The following ASPH variants were observed in gnomAD, a reference collection of about 807,000 sequenced individuals.
The protein encoded by ASPH is aspartyl/asparaginyl beta-hydroxylase.
In ASPH, 100 loss-of-function variants were observed where a neutral mutation model predicts 118.4. The observed-to-expected ratio is 0.84, with a 90% confidence interval of 0.72 to 1.00. ASPH has a LOEUF of 1.00. ASPH is among the 50% of genes least tolerant of loss of function. The pLI is 0.00. For missense variants in ASPH, 920 were observed against 919.5 expected (o/e 1.00, Z -0.01); for synonymous variants, 315 against 325.6 (o/e 0.97, Z 0.35).
chr8:61,538,991 C>T (rs1034782671), intron 21 of ASPH, among the ~76,000 whole-genome samples: 2 of 152,134 alleles, frequency 1.3e-5, no homozygotes, highest in African/African-American at 4.8e-5. Context: ...CCTGTAATTC[C>T]AGCACTTTAG....
chr8:61,579,515 C>G, intron 15 of ASPH: 1 of 1,568,910 alleles, frequency 6.4e-7, no homozygotes, highest in Non-Finnish European at 8.7e-7. Flanking sequence ...GCCTCACAAG[C>G]CCCGGCCTCA....
intron 13 of ASPH, among the ~76,000 whole-genome samples, chr8:61,630,641 CAT>C (rs1855139184): frequency 6.6e-6 from 1 of 152,166 alleles, no homozygotes; most frequent in African/African-American, 2.4e-5. Flanking sequence ...ACACATTACT[CAT>C]GTGTGTGGTG....
chr8:61,636,714 C>T (rs1212593513), intron 12 of ASPH, among the ~76,000 whole-genome samples: 1 of 152,188 alleles, frequency 6.6e-6, no homozygotes, highest in African/African-American at 2.4e-5. Flanking sequence ...TAGTTCTTTT[C>T]TATAAACCGT....
intron 14 of ASPH, among the ~76,000 whole-genome samples, chr8:61,594,562 C>T (rs1476550155): frequency 2.0e-5 from 3 of 152,144 alleles, no homozygotes; most frequent in Non-Finnish European, 4.4e-5. Flanking sequence ...TTGCTTTTCA[C>T]AGTGTCAGTT....
rs147961724 is a variant in ASPH, at chr8:61,586,967, T to C, written c.977-2938A>G. Among the ~76,000 whole-genome samples the C allele has an allele frequency of 7.2e-5, 11 of 152,336 alleles. No individual in the cohort carries two copies. In the East Asian group the frequency reaches 1.9e-3, roughly 27 times the overall value. ...GGCTCTCACATGGAAGAACTAAGGC[T>C]GTTCCATGCTGTCTGGAGCAGTGGG... On this transcript the variant is annotated intron_variant, in intron 14 of 24. Transcript: ENST00000379454.
At chr8:61,620,697 C>A (rs1358123120) in intron 13 of ASPH, among the ~76,000 whole-genome samples, 3 of 152,178 alleles carry the variant, frequency 2.0e-5, no homozygotes, top group African/African-American at 7.2e-5. Context: ...AAATTCCAGT[C>A]CTGAAGGAGC....
chr8:61,586,477 A>G (rs1839487520), intron 14 of ASPH, among the ~76,000 whole-genome samples: 1 of 152,236 alleles, frequency 6.6e-6, no homozygotes, highest in Non-Finnish European at 1.5e-5. Flanking sequence ...GTTATAAAAC[A>G]CAACCAAAAT....
intron 1 of ASPH, among the ~76,000 whole-genome samples, chr8:61,699,449 T>A (rs1834724652): frequency 6.6e-6 from 1 of 152,202 alleles, no homozygotes; most frequent in African/African-American, 2.4e-5. Flanking sequence ...GCAAGGTAAG[T>A]TTCTTGTTTC....
At chr8:61,612,015 C>T (rs1481399583) in intron 14 of ASPH, among the ~76,000 whole-genome samples, 1 of 148,408 alleles carries the variant, frequency 6.7e-6, no homozygotes, top group Non-Finnish European at 1.5e-5. Flanking sequence ...TAGGAATCAC[C>T]TGACCCAGTC....
At chr8:61,697,440 T>C (rs919398433) in intron 1 of ASPH, among the ~76,000 whole-genome samples, 6 of 152,112 alleles carry the variant, frequency 3.9e-5, no homozygotes, top group African/African-American at 1.4e-4. Flanking sequence ...CTAATTCAAT[T>C]CAGTTCTGAC....
intron 23 of ASPH, 56 bp from the exon 24 acceptor site, chr8:61,517,717 CTAAGT>C: frequency 6.3e-7 from 1 of 1,580,048 alleles, no homozygotes; most frequent in Non-Finnish European, 8.7e-7. Flanking sequence ...GGAGGAACTG[CTAAGT>C]TAAGGTGACA....
rs539860514 is a variant in ASPH, at chr8:61,656,323, G to A, written c.323-2663C>T. ...CTAACTAAACAAGAAGTGCGGAGGCGGCTGACTGCATCGCAGGTCAAGCTT... is the reference window on the plus strand; with the variant it reads ...CTAACTAAACAAGAAGTGCGGAGGCAGCTGACTGCATCGCAGGTCAAGCTT... On this transcript the variant is annotated intron_variant, in intron 3 of 24. Coordinates refer to ENST00000379454, the MANE Select transcript of ASPH (RefSeq NM_004318.4). 3.3e-5 allele frequency: 5 copies of A among 152,264 alleles called. No homozygotes were observed. In the East Asian group the frequency reaches 5.8e-4, roughly 18 times the overall value. The allele number at this position is 152,264 out of a possible 1,614,324, so 9.4% of individuals were successfully genotyped here. A position where few individuals can be genotyped will look rare whatever the true frequency, so the allele number is the denominator to read the frequency against.
chr8:61,617,858 GGGA>G (rs1415806255), intron 14 of ASPH, among the ~76,000 whole-genome samples: 2 of 151,078 alleles, frequency 1.3e-5, no homozygotes, highest in African/African-American at 4.9e-5. Context: ...GCTTGAACCA[GGGA>G]GGAGGAGGTT....
At chr8:61,529,384 C>A (rs1186475116) in intron 21 of ASPH, among the ~76,000 whole-genome samples, 1 of 152,206 alleles carries the variant, frequency 6.6e-6, no homozygotes, top group Non-Finnish European at 1.5e-5. Context: ...GAGCGCCCTG[C>A]AGAGGGCATG....
intron 15 of ASPH, chr8:61,578,430 A>T: frequency 6.2e-7 from 1 of 1,601,896 alleles, no homozygotes. Flanking sequence ...GGTCAACCAG[A>T]GCCTACTGAG....
At chr8:61,586,093 T>A (rs1839363941) in intron 14 of ASPH, among the ~76,000 whole-genome samples, 2 of 152,156 alleles carry the variant, frequency 1.3e-5, no homozygotes, top group African/African-American at 4.8e-5. Context: ...GATGCCCTCC[T>A]CCTTCCTAGA....
intron 14 of ASPH, among the ~76,000 whole-genome samples, chr8:61,617,100 A>G (rs1341466083): frequency 3.9e-5 from 6 of 152,210 alleles, no homozygotes; most frequent in Non-Finnish European, 8.8e-5. Context: ...ACCAGTCTAG[A>G]GTGCAGGCAA....
At chr8:61,601,058 G>A (rs1297369475) in intron 14 of ASPH, among the ~76,000 whole-genome samples, 1 of 151,300 alleles carries the variant, frequency 6.6e-6, no homozygotes, top group Non-Finnish European at 1.5e-5. Context: ...TAATCTAAAT[G>A]TTCATTCCCC....
intron 1 of ASPH, among the ~76,000 whole-genome samples, chr8:61,704,902 C>A (rs942427911): frequency 3.9e-5 from 6 of 152,176 alleles, no homozygotes; most frequent in African/African-American, 1.4e-4. Flanking sequence ...AACTACTCTG[C>A]AAAAGAGTTG....
Sources: allele counts gnomAD v4.1 joint callset (sites outside exome capture counted in the v4.1 genomes callset), GRCh38; gene constraint gnomAD v4.1.1; transcripts MANE v1.5; gene names NCBI Gene and HGNC (gene_info 2026-07-23, HGNC 2026-07-21).